The following SLC66A2 variants were observed in gnomAD, a reference collection of about 807,000 sequenced individuals.
SLC66A2 encodes the protein PQ loop repeat containing 1.
In SLC66A2, 23 loss-of-function variants were observed where a neutral mutation model predicts 25.5. That is an observed-to-expected ratio of 0.90 (90% CI 0.65 to 1.28). SLC66A2 has a LOEUF of 1.28. Among genes scored for constraint, SLC66A2 ranks in the 50% most tolerant of loss-of-function variants. The pLI is 0.00. For missense variants in SLC66A2, 396 were observed against 373.1 expected (o/e 1.06, Z -0.51); for synonymous variants, 193 against 166.5 (o/e 1.16, Z -1.23).
At chr18:79,930,042 G>A (rs965119105) in intron 4 of SLC66A2, among the ~76,000 whole-genome samples, 7 of 152,060 alleles carry the variant, frequency 4.6e-5, no homozygotes, top group Non-Finnish European at 1.0e-4. Context: ...AAAATTCAAG[G>A]AGATAATGAC....
At chr18:79,945,203 C>G (rs1302016518) in intron 2 of SLC66A2, 1 of 152,332 alleles carries the variant, frequency 6.6e-6, no homozygotes, top group Non-Finnish European at 1.5e-5. Flanking sequence ...ATGCAGTCCT[C>G]AGAGGGTGGC....
chr18:79,931,453 T>C (rs1986558801), intron 4 of SLC66A2, among the ~76,000 whole-genome samples: 2 of 152,064 alleles, frequency 1.3e-5, no homozygotes. Flanking sequence ...AAAATATGCA[T>C]ATACGTCCCT....
At chr18:79,916,178 ACCCT>A (rs1261489273) in intron 5 of SLC66A2, among the ~76,000 whole-genome samples, 16 of 52,782 alleles carry the variant, frequency 3.0e-4, no homozygotes, top group South Asian at 9.4e-4. Context: ...GTGCTCCCGT[ACCCT>A]CCCATACCCA....
intron 3 of SLC66A2, among the ~76,000 whole-genome samples, chr18:79,936,864 C>T (rs1987143279): frequency 6.6e-6 from 1 of 152,148 alleles, no homozygotes; most frequent in African/African-American, 2.4e-5. Flanking sequence ...AACCTCCACC[C>T]CCAATAAAAC....
chr18:79,950,689 C>A (rs1382703949), intron 2 of SLC66A2, 35 bp downstream of exon 2: 1 of 1,606,192 alleles, frequency 6.2e-7, no homozygotes, highest in South Asian at 1.1e-5. Context: ...CCCTCTTCTC[C>A]GGGTGCAGCC....
intron 5 of SLC66A2, among the ~76,000 whole-genome samples, chr18:79,909,862 T>TCCCACCAC (rs1982751209): frequency 1.9e-5 from 1 of 51,518 alleles, no homozygotes; most frequent in Non-Finnish European, 3.6e-5. Flanking sequence ...TTCCCCACCA[T>TCCCACCAC]CTCACCACAG....
intron 5 of SLC66A2, among the ~76,000 whole-genome samples, chr18:79,913,287 C>T (rs1459229368): frequency 6.6e-6 from 1 of 152,182 alleles, no homozygotes; most frequent in Non-Finnish European, 1.5e-5. Context: ...TCAGGCTCCT[C>T]CCCATCTGTC....
rs778137994 is a variant in SLC66A2 at position 79,903,948 on chromosome 18, C to G, written c.*28G>C. The G allele has an allele frequency of 6.4e-7, 1 of 1,565,558 alleles. No individual in the cohort carries two copies. ...AGGGCCCACCAGTGCCCGCGGCTGG[C>G]GGTCCCACATCCTCGTCCTCCCCAC... On this transcript the variant is annotated 3_prime_UTR_variant, in exon 6 of 6. Transcript: ENST00000397778.
intron 3 of SLC66A2, among the ~76,000 whole-genome samples, chr18:79,939,909 T>C (rs1987496685): frequency 1.3e-5 from 2 of 152,224 alleles, no homozygotes; most frequent in East Asian, 1.9e-4. Flanking sequence ...TATAGACACA[T>C]GCACACATAT....
chr18:79,924,351 G>A (rs1435318595), intron 4 of SLC66A2, among the ~76,000 whole-genome samples: 2 of 152,176 alleles, frequency 1.3e-5, no homozygotes, highest in Non-Finnish European at 2.9e-5. Flanking sequence ...ACACTAATGA[G>A]TCTGTTCCCA....
At chr18:79,946,481 G>GGCAGGTGCCAGGCAGCCCACCTGTGTGGT (rs2050930585) in intron 2 of SLC66A2, among the ~76,000 whole-genome samples, 1 of 152,192 alleles carries the variant, frequency 6.6e-6, no homozygotes, top group Non-Finnish European at 1.5e-5. Flanking sequence ...CTCTTCTCAC[G>GGCAGGTGCCAGGCAGCCCACCTGTGTGGT]GCAGGTGCCA....
At chr18:79,907,784 C>G (rs944230575) in intron 5 of SLC66A2, among the ~76,000 whole-genome samples, 3 of 152,014 alleles carry the variant, frequency 2.0e-5, no homozygotes, top group Non-Finnish European at 4.4e-5. Context: ...TGGAGGAACA[C>G]TGCTGGTATC....
At chr18:79,919,134 T>A (rs759689625) in intron 5 of SLC66A2, 50 bp downstream of exon 5, 1 of 1,495,334 alleles carries the variant, frequency 6.7e-7, no homozygotes. Flanking sequence ...TCTGCAGCCA[T>A]GTGGTGCCTC....
intron 2 of SLC66A2, among the ~76,000 whole-genome samples, chr18:79,947,099 T>G (rs1222402170): frequency 1.3e-5 from 2 of 152,112 alleles, no homozygotes; most frequent in Admixed American, 6.5e-5. Flanking sequence ...CATCTAAGAG[T>G]GCTCCAGCCT....
chr18:79,949,578 C>G (rs933946617), intron 2 of SLC66A2: 1 of 152,336 alleles, frequency 6.6e-6, no homozygotes, highest in East Asian at 1.9e-4. Flanking sequence ...GCAGGAGAAT[C>G]ACTTGAACCC....
At chr18:79,939,192 T>C (rs1987409410) in intron 3 of SLC66A2, among the ~76,000 whole-genome samples, 1 of 152,240 alleles carries the variant, frequency 6.6e-6, no homozygotes, top group Non-Finnish European at 1.5e-5. Flanking sequence ...ATTTCCGCTT[T>C]TATTTCATTA....
Position 79,950,905 on chromosome 18 carries a change from A to T in SLC66A2, c.22T>A (p.Trp8Arg), listed in dbSNP as rs1238682433. The T allele has an allele frequency of 2.5e-6, 4 of 1,586,788 alleles. No individual in the cohort carries two copies. In the East Asian group the frequency reaches 9.4e-5, roughly 37 times the overall value. ...AGCTGGTGCAGTGGCACCAGGAGCC[A>T]GTCCAGGCCCTCGGCCTCCATCGCA... MEAEGLD[W>R]LLVPLHQLVS... The change falls in exon 2 of 6, where the codon TGG becomes AGG. Residue 8 changes from tryptophan (W) to arginine (R), a missense_variant. Transcript: ENST00000397778.
Position 79,940,026 on chromosome 18 carries a change from T to G in SLC66A2, c.337+3303A>C, listed in dbSNP as rs1217403220. Among the ~76,000 whole-genome samples, 3 of 152,196 alleles carry G rather than the reference T, an allele frequency of 2.0e-5. No individual in the cohort carries two copies. In the East Asian group the frequency reaches 5.8e-4, roughly 29 times the overall value. On this transcript the variant is annotated intron_variant, in intron 3 of 5. Coordinates refer to ENST00000397778, the MANE Select transcript of SLC66A2 (RefSeq NM_025078.5). The surrounding 1 kb of genome is among the most constrained non-coding windows in gnomAD (Gnocchi z 4.1). Reference sequence around the variant, plus strand: ...CTGGATGAAGCAAATGTGGTACGTATACACCACGGAACACTATGCAGCCAT... The same window carrying G: ...CTGGATGAAGCAAATGTGGTACGTAGACACCACGGAACACTATGCAGCCAT...
At chr18:79,950,574 C>T (rs1279861179) in intron 2 of SLC66A2, 150 bp downstream of exon 2, 2 of 683,422 alleles carry the variant, frequency 2.9e-6, no homozygotes, top group East Asian at 2.8e-5. Context: ...AAGTGACTTG[C>T]CTGCAGCCAC....
Sources: gnomAD v4.1 joint callset for allele counts (sites outside exome capture counted in the v4.1 genomes callset) on GRCh38, gnomAD v4.1.1 for gene constraint, Gnocchi (gnomAD v3.1) non-coding constraint, MANE v1.5 for transcripts, NCBI Gene and HGNC (gene_info 2026-07-23, HGNC 2026-07-21) for gene names.